Variants in DLG5 observed in about 807,000 individuals in gnomAD.
The protein encoded by DLG5 is discs large MAGUK scaffold protein 5.
In DLG5, 48 loss-of-function variants were observed where a neutral mutation model predicts 189.8. The ratio of observed to expected loss-of-function variants is 0.25; its 90% CI spans 0.20 to 0.32. DLG5 has a LOEUF of 0.32. DLG5 is among the 10% of genes least tolerant of loss of function. The pLI, the probability that DLG5 is intolerant of heterozygous loss-of-function variation, is 1.00. For missense variants in DLG5, 2,160 were observed against 2,544.7 expected, an observed-to-expected ratio of 0.85 and a Z score of 3.25; for synonymous variants, 1,016 against 1,054.1, an observed-to-expected ratio of 0.96 and a Z score of 0.70.
At chr10:77,914,839 C>G (rs1304158660) in intron 1 of DLG5, among the ~76,000 whole-genome samples, 1 of 152,206 alleles carries the variant, frequency 6.6e-6, no homozygotes, top group African/African-American at 2.4e-5. Context: ...CCCAGAAACC[C>G]CAACTGTGGC....
At chr10:77,884,413 C>A (rs888897719) in intron 1 of DLG5, among the ~76,000 whole-genome samples, 1 of 152,156 alleles carries the variant, frequency 6.6e-6, no homozygotes, top group African/African-American at 2.4e-5. Flanking sequence ...AAAGCCATAC[C>A]TCAGCTCACT....
At chr10:77,856,692 C>T (rs375912511) in intron 3 of DLG5, 38 bp downstream of exon 3, 2 of 1,597,906 alleles carry the variant, frequency 1.3e-6, no homozygotes, top group Non-Finnish European at 1.7e-6. Context: ...GTAATCCCAA[C>T]CATGGGGCCT....
chr10:77,937,075 C>T, the DLG5 span, among the ~76,000 whole-genome samples: 3 of 152,160 alleles, frequency 2.0e-5, no homozygotes, highest in South Asian at 6.2e-4. Context: ...CTCTTCAGAA[C>T]AACATACCAC....
chr10:77,894,000 TC>T (rs1444772857), intron 1 of DLG5, among the ~76,000 whole-genome samples: 1 of 152,168 alleles, frequency 6.6e-6, no homozygotes, highest in Non-Finnish European at 1.5e-5. Flanking sequence ...AAACCTCCGT[TC>T]CCAAACTCCA....
rs556377324 is a variant in DLG5, at chr10:77,926,700, G to A, written c.-180C>T. ...GGGGCGGCGGGCGGCGCTCAGCAGCGGCCGCCTCCCGGGCTCCGGAGCGCA... is the reference window on the plus strand; with the variant it reads ...GGGGCGGCGGGCGGCGCTCAGCAGCAGCCGCCTCCCGGGCTCCGGAGCGCA... On this transcript the variant is annotated 5_prime_UTR_variant, in exon 1 of 32. Coordinates refer to ENST00000372391, the MANE Select transcript of DLG5 (RefSeq NM_004747.4). The surrounding 1 kb of genome is among the most constrained non-coding windows in gnomAD (Gnocchi z 5.2). 1.4e-3 allele frequency: 271 copies of A among 188,436 alleles called. 1 individual carries two copies. The highest frequency in any genetic ancestry group is 6.1e-3 in the African/African-American group (256 of 41,976). 11.7% of individuals were successfully genotyped at this position (188,436 alleles called of 1,614,324 possible).
chr10:77,874,046 A>G (rs911370656), intron 1 of DLG5, among the ~76,000 whole-genome samples: 21 of 152,320 alleles, frequency 1.4e-4, no homozygotes, highest in African/African-American at 4.8e-4. Context: ...AAGGTGCCCA[A>G]TCGCTCCCGG....
chr10:77,880,311 G>A (rs557396903), intron 1 of DLG5, among the ~76,000 whole-genome samples: 99 of 152,130 alleles, frequency 6.5e-4, no homozygotes, highest in Middle Eastern at 3.4e-3. Flanking sequence ...AAAATTAGCC[G>A]GCCATGGTGG....
chr10:77,822,698 A>G (rs1842431534), intron 14 of DLG5, among the ~76,000 whole-genome samples: 1 of 152,188 alleles, frequency 6.6e-6, no homozygotes, highest in African/African-American at 2.4e-5. Context: ...AATATTAAAC[A>G]TAAAAGTAAA....
chr10:77,836,512 GGACACAGGAA>G (rs1469146979), intron 7 of DLG5, among the ~76,000 whole-genome samples: 14 of 152,200 alleles, frequency 9.2e-5, no homozygotes, highest in African/African-American at 3.4e-4. Flanking sequence ...CCAAGTGCTA[GGACACAGGAA>G]GACACACACG....
At chr10:77,846,158 T>C (rs1589208195) in intron 5 of DLG5, among the ~76,000 whole-genome samples, 1 of 151,874 alleles carries the variant, frequency 6.6e-6, no homozygotes. Context: ...GGCAGGAGAA[T>C]TGCTTGAACC....
chr10:77,852,688 G>A (rs1407608092), intron 5 of DLG5, among the ~76,000 whole-genome samples: 1 of 152,182 alleles, frequency 6.6e-6, no homozygotes, highest in African/African-American at 2.4e-5. Context: ...TGGGATTACA[G>A]GCGTGAGCCA....
chr10:77,915,850 T>A (rs897341705), intron 1 of DLG5, among the ~76,000 whole-genome samples: 6 of 152,134 alleles, frequency 3.9e-5, no homozygotes, highest in Admixed American at 3.9e-4. Context: ...CCTTTAGGGA[T>A]GAAGATGTAA....
chr10:77,876,780 C>T (rs1845112300), intron 1 of DLG5, among the ~76,000 whole-genome samples: 1 of 149,102 alleles, frequency 6.7e-6, no homozygotes, highest in Non-Finnish European at 1.5e-5. Flanking sequence ...AGGGGCATTG[C>T]CCAGATAATT....
rs576637999 is a variant in DLG5, at chr10:77,918,864, A to G, written c.304+7353T>C. Among the ~76,000 whole-genome samples, 12 of 152,258 alleles carry G rather than the reference A, an allele frequency of 7.9e-5. No individual in the cohort carries two copies. The South Asian group carries it at 1.0e-3, about 13-fold the overall frequency. ...TCCCAGGGTTTCAGGAAACGACTAT[A>G]GAGCCCCCTCGCATGGGGCAGAACA... is the stretch of plus-strand genomic sequence containing the variant. On this transcript the variant is annotated intron_variant, in intron 1 of 31. Transcript: ENST00000372391.
chr10:77,936,137 G>T, the DLG5 span, among the ~76,000 whole-genome samples: 4 of 152,126 alleles, frequency 2.6e-5, no homozygotes, highest in Admixed American at 1.3e-4. Flanking sequence ...AAATATCCCA[G>T]GATTTTAAAA....
At chr10:77,827,902 T>C (rs1842718198) in intron 13 of DLG5, among the ~76,000 whole-genome samples, 2 of 152,058 alleles carry the variant, frequency 1.3e-5, no homozygotes. Flanking sequence ...GGGGCACATA[T>C]GGTTTGGGCT....
At chr10:77,887,516 GA>G (rs1377363876) in intron 1 of DLG5, among the ~76,000 whole-genome samples, 2 of 150,610 alleles carry the variant, frequency 1.3e-5, no homozygotes, top group Admixed American at 6.6e-5. Flanking sequence ...TTGGTAGTCA[GA>G]AAAAAAAATT....
chr10:77,873,918 G>C (rs545581178), intron 1 of DLG5, among the ~76,000 whole-genome samples: 1 of 152,342 alleles, frequency 6.6e-6, no homozygotes, highest in Admixed American at 6.5e-5. Context: ...AGACAGAGCA[G>C]GAAGTGCTGC....
At chr10:77,833,429 T>C (rs1842969933) in intron 9 of DLG5, among the ~76,000 whole-genome samples, 1 of 152,234 alleles carries the variant, frequency 6.6e-6, no homozygotes, top group Non-Finnish European at 1.5e-5. Flanking sequence ...TCTGTGTCTC[T>C]TCCTGCGCAC....
Sources: gnomAD v4.1 joint callset for allele counts (sites outside exome capture counted in the v4.1 genomes callset) on GRCh38, gnomAD v4.1.1 for gene constraint, Gnocchi (gnomAD v3.1) non-coding constraint, MANE v1.5 for transcripts, NCBI Gene and HGNC (gene_info 2026-07-23, HGNC 2026-07-21) for gene names.